The following TENM2 variants were observed in gnomAD, a reference collection of about 807,000 sequenced individuals.
TENM2 encodes the protein teneurin transmembrane protein 2, also known as teneurin-2.
A neutral mutation model predicts 245.2 loss-of-function variants in TENM2; 52 were observed. The ratio of observed to expected loss-of-function variants is 0.21; its 90% CI spans 0.17 to 0.27. The LOEUF is 0.27. TENM2 is among the 10% of genes least tolerant of loss of function. The probability of loss-of-function intolerance (pLI) is 1.00; values close to 1 mark genes in which losing one functional copy is unlikely to be tolerated. For missense variants in TENM2, 3,046 were observed against 3,666.8 expected (o/e 0.83, Z 4.37); for synonymous variants, 1,363 against 1,438.9 (o/e 0.95, Z 1.19).
intron 2 of TENM2, among the ~76,000 whole-genome samples, chr5:167,696,192 G>T (rs1757756422): frequency 6.6e-6 from 1 of 152,138 alleles, no homozygotes; most frequent in Non-Finnish European, 1.5e-5. Flanking sequence ...TGCTGTCCAG[G>T]TTTGATTACC....
intron 12 of TENM2, among the ~76,000 whole-genome samples, chr5:168,142,673 T>G (rs1232381889): frequency 6.6e-6 from 1 of 152,224 alleles, no homozygotes; most frequent in Non-Finnish European, 1.5e-5. Context: ...GGGCATTGCC[T>G]TTTACTTTGT....
intron 1 of TENM2, chr5:167,297,401 G>T (rs1289285153): frequency 6.6e-6 from 1 of 152,068 alleles, no homozygotes; most frequent in Admixed American, 6.5e-5. Context: ...GATTCTTCTG[G>T]CACCCCTGCT....
intron 13 of TENM2, chr5:168,185,970 A>C (rs1760386178): frequency 2.0e-4 from 1 of 5,042 alleles, no homozygotes; most frequent in Non-Finnish European, 3.5e-4. Flanking sequence ...ATATATTTGA[A>C]TTTATATATA....
At chr5:168,160,315 G>A (rs141871675) in intron 12 of TENM2, among the ~76,000 whole-genome samples, 187 of 152,290 alleles carry the variant, frequency 1.2e-3, no homozygotes, top group Admixed American at 3.8e-3. Flanking sequence ...ACCGTCTCAC[G>A]GTATGAAGTG....
chr5:168,203,651 C>G, intron 17 of TENM2, 38 bp from the exon 20 acceptor site: 1 of 1,543,126 alleles, frequency 6.5e-7, no homozygotes, highest in Non-Finnish European at 8.8e-7. Flanking sequence ...TAAACTCTCT[C>G]TTTTCTCTCA....
intron 2 of TENM2, among the ~76,000 whole-genome samples, chr5:167,766,730 T>A (rs952891991): frequency 7.2e-5 from 11 of 151,732 alleles, no homozygotes; most frequent in African/African-American, 2.4e-4. Flanking sequence ...TACAAAAAAA[T>A]TAACTGGGTG....
chr5:167,682,993 CT>C (rs1340693830), intron 2 of TENM2, among the ~76,000 whole-genome samples: 2 of 152,124 alleles, frequency 1.3e-5, no homozygotes, highest in Non-Finnish European at 2.9e-5. Context: ...CCAGGAAAAA[CT>C]TTCAAATTAC....
At chr5:167,314,394 T>G (rs1225247721) in intron 1 of TENM2, among the ~76,000 whole-genome samples, 1 of 152,156 alleles carries the variant, frequency 6.6e-6, no homozygotes, top group Non-Finnish European at 1.5e-5. Context: ...CCAAAGTTAA[T>G]GAAGAGTTAT....
the TENM2 span, among the ~76,000 whole-genome samples, chr5:167,131,544 C>T: frequency 6.6e-6 from 1 of 152,122 alleles, no homozygotes. Context: ...GAAAGGCCAG[C>T]CAGCTGCTTC....
chr5:168,033,750 GGTAGCT>G (rs1562076261), intron 5 of TENM2, among the ~76,000 whole-genome samples: 1 of 152,078 alleles, frequency 6.6e-6, no homozygotes, highest in Non-Finnish European at 1.5e-5. Context: ...GGTCAGGCAT[GGTAGCT>G]GTAATCACAC....
chr5:167,056,614 T>C, the TENM2 span, among the ~76,000 whole-genome samples: 1 of 146,902 alleles, frequency 6.8e-6, no homozygotes, highest in African/African-American at 2.5e-5. Context: ...TCTATATAAA[T>C]ATATCTATAT....
intron 2 of TENM2, among the ~76,000 whole-genome samples, chr5:167,558,587 T>C (rs541874480): frequency 1.3e-5 from 2 of 152,254 alleles, no homozygotes; most frequent in South Asian, 2.1e-4. Flanking sequence ...TGCGCATGCA[T>C]GGGATCTAGG....
chr5:167,924,147 G>A (rs773973772), intron 3 of TENM2, among the ~76,000 whole-genome samples: 7 of 152,108 alleles, frequency 4.6e-5, no homozygotes, highest in Non-Finnish European at 7.3e-5. Flanking sequence ...TGGTTGCATC[G>A]TCTCCCCACA....
At chr5:167,367,275 T>C (rs369354902) in intron 1 of TENM2, among the ~76,000 whole-genome samples, 1 of 152,200 alleles carries the variant, frequency 6.6e-6, no homozygotes, top group African/African-American at 2.4e-5. Flanking sequence ...GATATTTATA[T>C]AGATTAAAAT....
the TENM2 span, among the ~76,000 whole-genome samples, chr5:167,141,320 C>A: frequency 1.3e-5 from 2 of 152,120 alleles, no homozygotes; most frequent in African/African-American, 4.8e-5. Context: ...ATGGTATTAT[C>A]TTTCTTGATG....
intron 2 of TENM2, among the ~76,000 whole-genome samples, chr5:167,555,654 T>A (rs905179440): frequency 1.3e-5 from 2 of 152,254 alleles, no homozygotes; most frequent in African/African-American, 4.8e-5. Context: ...GTTGGCATGT[T>A]CTTTCCCTAA....
At chr5:167,355,999 A>G (rs1759290520) in intron 1 of TENM2, among the ~76,000 whole-genome samples, 1 of 151,110 alleles carries the variant, frequency 6.6e-6, no homozygotes, top group Non-Finnish European at 1.5e-5. Flanking sequence ...CCTGGCCAAC[A>G]CGGTGAAACC....
At chr5:167,937,080 A>AG (rs1778780648) in intron 3 of TENM2, among the ~76,000 whole-genome samples, 1 of 152,254 alleles carries the variant, frequency 6.6e-6, no homozygotes, top group African/African-American at 2.4e-5. Flanking sequence ...GGCTAAATCA[A>AG]GCTACTTAAC....
intron 4 of TENM2, among the ~76,000 whole-genome samples, chr5:167,958,975 A>C (rs1399083828): frequency 6.6e-6 from 1 of 151,984 alleles, no homozygotes; most frequent in Non-Finnish European, 1.5e-5. Flanking sequence ...TGCTCTTCTC[A>C]AGGAGTATCT....
Sources: allele counts gnomAD v4.1 joint callset (sites outside exome capture counted in the v4.1 genomes callset), GRCh38; gene constraint gnomAD v4.1.1; transcripts MANE v1.5; gene names NCBI Gene and HGNC (gene_info 2026-07-23, HGNC 2026-07-21).